SDK1: variants seen among roughly 807,000 people sequenced by gnomAD.
SDK1 encodes the protein sidekick cell adhesion molecule 1, also known as protein sidekick-1.
Under a neutral mutation model 245.5 loss-of-function variants are expected in SDK1, and 157 were observed. The ratio of observed to expected loss-of-function variants is 0.64; its 90% CI spans 0.56 to 0.73. The LOEUF is 0.73. SDK1 is among the 30% of genes least tolerant of loss of function. SDK1 has a pLI of 0.00. For missense variants in SDK1, 3,583 were observed against 3,002.3 expected (o/e 1.19, Z -4.52); for synonymous variants, 1,647 against 1,278.5 (o/e 1.29, Z -6.15).
At chr7:3,792,962 A>G (rs1270347630) in intron 4 of SDK1, among the ~76,000 whole-genome samples, 1 of 152,216 alleles carries the variant, frequency 6.6e-6, no homozygotes, top group Admixed American at 6.5e-5. Context: ...TAACTTTGTA[A>G]TAACTCAAGC....
chr7:4,072,630 C>G lies in SDK1; in HGVS notation c.3011-4368C>G, dbSNP rs561420081. Reference sequence around the variant, plus strand: ...AGAAGAGCAAAAGAAAAACTGTGTTCGTGGGCAAACCTGGCTGCCGGTTTC... The same window carrying G: ...AGAAGAGCAAAAGAAAAACTGTGTTGGTGGGCAAACCTGGCTGCCGGTTTC... On this transcript the variant is annotated intron_variant, in intron 20 of 44. Transcript: ENST00000404826. 4.6e-5 allele frequency among the ~76,000 whole-genome samples: 7 copies of G among 152,320 alleles called. No individual in the cohort carries two copies. In the South Asian group the frequency reaches 1.5e-3, roughly 32 times the overall value.
chr7:3,828,825 A>C (rs917900870), intron 5 of SDK1, among the ~76,000 whole-genome samples: 3 of 151,238 alleles, frequency 2.0e-5, no homozygotes, highest in Non-Finnish European at 4.4e-5. Flanking sequence ...CTAATTTTTT[A>C]ATTTCTTTTT....
chr7:3,797,302 G>A lies in SDK1; in HGVS notation c.714-24148G>A, dbSNP rs79070659. Among the ~76,000 whole-genome samples the A allele has an allele frequency of 6.1e-3, 922 of 151,982 alleles. 10 individuals carry two copies. Among genetic ancestry groups the A allele is most frequent in the African/African-American group, 0.021 (877 of 41,448 alleles). On this transcript the variant is annotated intron_variant, in intron 4 of 44. Coordinates refer to ENST00000404826, the MANE Select transcript of SDK1 (RefSeq NM_152744.4). ...CCGTCCCATATATACCTTTTAAAAAGGTTCATCTTTTCCTGTTTTCCCTTT... is the reference window on the plus strand; with the variant it reads ...CCGTCCCATATATACCTTTTAAAAAAGTTCATCTTTTCCTGTTTTCCCTTT...
At chr7:3,602,313 A>G (rs1289228468) in intron 1 of SDK1, among the ~76,000 whole-genome samples, 3 of 150,846 alleles carry the variant, frequency 2.0e-5, no homozygotes, top group African/African-American at 4.9e-5. Context: ...AAGTGTTCCT[A>G]TTTCTCCACA....
At chr7:3,971,223 G>C (rs1782463261) in intron 11 of SDK1, among the ~76,000 whole-genome samples, 1 of 151,992 alleles carries the variant, frequency 6.6e-6, no homozygotes, top group African/African-American at 2.4e-5. Context: ...TACTTCCATG[G>C]TGTTTGAGGT....
chr7:3,308,827 T>A (rs1045254313), intron 1 of SDK1, among the ~76,000 whole-genome samples: 1 of 152,082 alleles, frequency 6.6e-6, no homozygotes, highest in Non-Finnish European at 1.5e-5. Context: ...TTGAGGGGGT[T>A]GGAAGCTCTC....
chr7:3,843,451 C>T lies in SDK1; in HGVS notation c.847+21868C>T, dbSNP rs1780206021. Among the ~76,000 whole-genome samples, 3 of 152,196 alleles carry T rather than the reference C, an allele frequency of 2.0e-5. No individual in the cohort carries two copies. The South Asian group carries it at 6.2e-4, about 32-fold the overall frequency. ...GAAGAAATTGTTACATTCCTATCAC[C>T]CGCAAAATAGGACTTGACTCTTTCT... On this transcript the variant is annotated intron_variant, in intron 5 of 44. Transcript: ENST00000404826.
chr7:3,395,463 G>T (rs1781873150), intron 1 of SDK1, among the ~76,000 whole-genome samples: 1 of 151,616 alleles, frequency 6.6e-6, no homozygotes, highest in Non-Finnish European at 1.5e-5. Context: ...TTGCTATCAG[G>T]GTGTTATTGC....
intron 4 of SDK1, among the ~76,000 whole-genome samples, chr7:3,801,505 A>G (rs1421185633): frequency 6.6e-6 from 1 of 152,102 alleles, no homozygotes; most frequent in Non-Finnish European, 1.5e-5. Flanking sequence ...ACCATTGTAG[A>G]TTGTCATTGT....
rs537649372 is a variant in SDK1 at position 3,495,855 on chromosome 7, A to AAG, written c.299-123219_299-123218dup. Among the ~76,000 whole-genome samples the AAG allele has an allele frequency of 7.9e-4, 120 of 152,322 alleles. 1 individual carries two copies. Among genetic ancestry groups the AAG allele is most frequent in the African/African-American group, 2.7e-3 (112 of 41,566 alleles). ...GCTCCTACAAAACGCTAGAGCCAGGAAGAGAGATGCCAGCGGTCTCCTGAG... is the reference window on the plus strand; with the variant it reads ...GCTCCTACAAAACGCTAGAGCCAGGAAGAGAGAGATGCCAGCGGTCTCCTGAG... On this transcript the variant is annotated intron_variant, in intron 1 of 44. Coordinates refer to ENST00000404826, the MANE Select transcript of SDK1 (RefSeq NM_152744.4).
intron 4 of SDK1, among the ~76,000 whole-genome samples, chr7:3,723,055 G>A (rs1475391141): frequency 6.6e-6 from 1 of 152,240 alleles, no homozygotes; most frequent in African/African-American, 2.4e-5. Flanking sequence ...GTGAAGTTAA[G>A]TAACTTTCAT....
chr7:3,819,974 C>A (rs574633725), intron 4 of SDK1, among the ~76,000 whole-genome samples: 28 of 152,272 alleles, frequency 1.8e-4, no homozygotes, highest in Middle Eastern at 6.8e-3. Context: ...AGTGCTGTAA[C>A]TATTCCCTAT....
chr7:3,451,773 C>T (rs959602538), intron 1 of SDK1, among the ~76,000 whole-genome samples: 2 of 152,182 alleles, frequency 1.3e-5, no homozygotes, highest in Non-Finnish European at 2.9e-5. Flanking sequence ...TCCTTCAAAA[C>T]GTCCACATTT....
chr7:3,493,686 T>G (rs143631471), intron 1 of SDK1, among the ~76,000 whole-genome samples: 13 of 152,338 alleles, frequency 8.5e-5, no homozygotes, highest in African/African-American at 3.1e-4. Flanking sequence ...ACTTTCAATT[T>G]CTCTCTTGCA....
In SDK1 at chr7:4,055,890, G is replaced by A. The variant is rs149714544; in HGVS notation, c.2911+4060G>A. On this transcript the variant is annotated intron_variant, in intron 19 of 44. Coordinates refer to ENST00000404826, the MANE Select transcript of SDK1 (RefSeq NM_152744.4). ...CTTTGAGATACTCTCTGTGACCCATGAATTAATTGGAAGTGTGCTGTTCAT... is the reference window on the plus strand; with the variant it reads ...CTTTGAGATACTCTCTGTGACCCATAAATTAATTGGAAGTGTGCTGTTCAT... 9.9e-4 allele frequency among the ~76,000 whole-genome samples: 150 copies of A among 152,156 alleles called. 4 individuals carry two copies. In the East Asian group the frequency reaches 0.024, roughly 24 times the overall value.
intron 1 of SDK1, among the ~76,000 whole-genome samples, chr7:3,401,619 G>T (rs1424882959): frequency 6.6e-6 from 1 of 152,106 alleles, no homozygotes; most frequent in Non-Finnish European, 1.5e-5. Flanking sequence ...TGGATGGGAA[G>T]ACCCAAGTTT....
intron 25 of SDK1, among the ~76,000 whole-genome samples, chr7:4,121,648 T>C (rs1784073439): frequency 6.6e-6 from 1 of 152,200 alleles, no homozygotes; most frequent in Non-Finnish European, 1.5e-5. Context: ...TACATATGGC[T>C]AGAGGGGAAT....
chr7:3,598,359 A>T (rs1041482831), intron 1 of SDK1, among the ~76,000 whole-genome samples: 1 of 152,046 alleles, frequency 6.6e-6, no homozygotes, highest in Non-Finnish European at 1.5e-5. Flanking sequence ...TTCTTATTCA[A>T]CTCAACAGTG....
chr7:3,587,232 G>C (rs142832026), intron 1 of SDK1, among the ~76,000 whole-genome samples: 1 of 152,084 alleles, frequency 6.6e-6, no homozygotes, highest in Non-Finnish European at 1.5e-5. Flanking sequence ...AGGGTCAGAG[G>C]GGATTTAGAG....
Sources: allele counts gnomAD v4.1 joint callset (sites outside exome capture counted in the v4.1 genomes callset), GRCh38; gene constraint gnomAD v4.1.1; transcripts MANE v1.5; gene names NCBI Gene and HGNC (gene_info 2026-07-23, HGNC 2026-07-21).